Variants in PLD2 observed in about 807,000 individuals in gnomAD.
PLD2 encodes phospholipase D2.
PLD2 carries 101 observed loss-of-function variants against 119.8 expected under a neutral mutation model. The observed-to-expected ratio is 0.84, with a 90% CI of 0.72 to 0.99. PLD2 has a LOEUF of 0.99. Ranked by LOEUF, PLD2 falls within the 50% of genes least tolerant of loss-of-function variation. The pLI is 0.00. For synonymous variants in PLD2, 494 were observed against 482.8 expected (o/e 1.02, Z -0.30); for missense variants, 1,164 against 1,226.8 (o/e 0.95, Z 0.76).
In PLD2 at chr17:4,808,698, C is replaced by T. The variant is rs1385928522; in HGVS notation, c.383+282C>T. Among the ~76,000 whole-genome samples, 2 of 152,032 alleles carry T rather than the reference C, an allele frequency of 1.3e-5. No homozygotes were observed. Among genetic ancestry groups the T allele is most frequent in the Admixed American group, 1.3e-4 (2 of 15,252 alleles). On this transcript the variant is annotated intron_variant, in intron 4 of 24. Transcript: ENST00000263088. This position sits in a 1 kb window ranked among gnomAD's most constrained non-coding sequence, Gnocchi z 4.1. ...GGCCTCCGTTTTGCCAGCCTCTAGGCCTTTTGTTTGTTTTTTGTTTTTGTT... is the reference window on the plus strand; with the variant it reads ...GGCCTCCGTTTTGCCAGCCTCTAGGTCTTTTGTTTGTTTTTTGTTTTTGTT...
rs768767588 is a variant in PLD2 at position 4,809,907 on chromosome 17, G to A, written c.738G>A (p.Leu246=). ...RWLVVKDSFL[L]YMCLETGAIS... ...TGGTGGTGAAGGACTCCTTCCTGCT[G>A]TACATGTGCCTCGAGACAGGTGCCA... Residue 246 remains leucine (L), a synonymous_variant, in exon 9 of 25, where the codon CTG becomes CTA. Coordinates refer to ENST00000263088, the MANE Select transcript of PLD2 (RefSeq NM_002663.5). 1 of 1,614,220 alleles carries A rather than the reference G, an allele frequency of 6.2e-7. No individual in the cohort carries two copies.
In PLD2 at chr17:4,815,348, G is replaced by A. The variant is rs1906860651; in HGVS notation, c.1174-128G>A. On this transcript the variant is annotated intron_variant, in intron 12 of 24. Coordinates refer to ENST00000263088, the MANE Select transcript of PLD2 (RefSeq NM_002663.5). ...AAGTCTGTGGCAAGCAGCAAAGCAG[G>A]GCATATGTGGCAGAGCCTCTAGGAT... 27 of 703,158 alleles carry A rather than the reference G, an allele frequency of 3.8e-5. No individual in the cohort carries two copies. In the South Asian group the frequency reaches 4.1e-4, roughly 11 times the overall value. 43.6% of individuals were successfully genotyped at this position (703,158 alleles called of 1,614,324 possible). A position where few individuals can be genotyped will look rare whatever the true frequency, so the allele number is the denominator to read the frequency against.
intron 9 of PLD2, among the ~76,000 whole-genome samples, chr17:4,810,373 G>C (rs979654814): frequency 6.6e-6 from 1 of 152,134 alleles, no homozygotes; most frequent in Non-Finnish European, 1.5e-5. Context: ...GGCCGGGCGC[G>C]GTGGCTCACA....
In PLD2 at chr17:4,809,186, G is replaced by C; in HGVS notation, c.470G>C (p.Arg157Thr). Residue 157 changes from arginine to threonine, a missense_variant, in exon 5 of 25, where the codon AGA (arginine) becomes ACA (threonine). Coordinates refer to ENST00000263088, the MANE Select transcript of PLD2 (RefSeq NM_002663.5). Reference protein sequence around the residue: ...LPRAGPEGSTRHAASKQKYLE... With the variant: ...LPRAGPEGSTTHAASKQKYLE... ...CGGGCAGGTCCTGAGGGCTCCACCA[G>C]ACATGCAGCCAGCAAACAGGTGGGA... 5.6e-6 allele frequency: 9 copies of C among 1,614,180 alleles called. No individual in the cohort carries two copies. The highest frequency in any genetic ancestry group is 7.6e-6 in the Non-Finnish European group (9 of 1,180,006).
intron 5 of PLD2, 28 bp from the exon 6 acceptor site, chr17:4,809,270 C>A: frequency 1.4e-5 from 14 of 980,808 alleles, no homozygotes; most frequent in Non-Finnish European, 2.0e-5. Flanking sequence ...TCCCATCTGT[C>A]TCTCTCTCTC....
In PLD2 at chr17:4,818,573, A is replaced by C; in HGVS notation, c.2089A>C (p.Asn697His). ...FEGDISTGGG[N>H]SIQAILHFTY... ...GGGTGACATCTCCACGGGCGGTGGC[A>C]ACTCCATCCAGGCCATTCTGCACTT... is the stretch of plus-strand genomic sequence containing the variant. The change falls in exon 20 of 25, where the codon AAC becomes CAC. Residue 697 changes from asparagine to histidine, a missense_variant. Asn to His is a moderately conservative substitution (Grantham distance 68). Coordinates refer to ENST00000263088, the MANE Select transcript of PLD2 (RefSeq NM_002663.5). 1.2e-6 allele frequency: 2 copies of C among 1,613,700 alleles called. No individual in the cohort carries two copies. Among genetic ancestry groups the C allele is most frequent in the Non-Finnish European group, 1.7e-6 (2 of 1,179,846 alleles).
chr17:4,809,478 T>C lies in PLD2; in HGVS notation c.556-15T>C, dbSNP rs1360826616. The stretch of plus-strand genomic sequence containing the variant: ...AAGCCAGGTGTCTCCTCCGGGCTTT[T>C]GTTTTCCTCTGCAGACAGAGTTCCT... On this transcript the variant is annotated splice_polypyrimidine_tract_variant and intron_variant, in intron 6 of 24. Coordinates refer to ENST00000263088, the MANE Select transcript of PLD2 (RefSeq NM_002663.5). The C allele has an allele frequency of 6.2e-7, 1 of 1,607,364 alleles. No individual in the cohort carries two copies. Among genetic ancestry groups the C allele is most frequent in the Admixed American group, 1.7e-5 (1 of 58,530 alleles).
At chr17:4,821,667 A>C in intron 23 of PLD2, 126 bp from the exon 24 acceptor site, 2 of 651,492 alleles carry the variant, frequency 3.1e-6, no homozygotes, top group Non-Finnish European at 5.6e-6. Flanking sequence ...AGTGCTGGGA[A>C]TACAGGCGTG....
At position 4,808,983 on chromosome 17, in the gene PLD2, C is replaced by T; in HGVS notation, c.384-117C>T. Reference sequence around the variant, plus strand: ...TGCTGGGATTCCAGGCGTGAGCCACCACGCCTGGCCACCTCCAGGCCTCTT... The same window carrying T: ...TGCTGGGATTCCAGGCGTGAGCCACTACGCCTGGCCACCTCCAGGCCTCTT... On this transcript the variant is annotated intron_variant, in intron 4 of 24. Coordinates refer to ENST00000263088, the MANE Select transcript of PLD2 (RefSeq NM_002663.5). This position sits in a 1 kb window ranked among gnomAD's most constrained non-coding sequence, Gnocchi z 4.1. The T allele has an allele frequency of 1.3e-6, 1 of 770,390 alleles. No individual in the cohort carries two copies. Among genetic ancestry groups the T allele is most frequent in the Non-Finnish European group, 2.2e-6 (1 of 452,964 alleles). The allele number at this position is 770,390 out of a possible 1,614,324, so 47.7% of individuals were successfully genotyped here.
At chr17:4,822,509 A>C in intron 24 of PLD2, 131 bp from the exon 25 acceptor site, 2 of 585,844 alleles carry the variant, frequency 3.4e-6, no homozygotes, top group Non-Finnish European at 5.9e-6. Context: ...AAAAAGAGAG[A>C]GAGAGTTAGT....
intron 9 of PLD2, 26 bp from the exon 10 acceptor site, chr17:4,810,776 A>T: frequency 1.3e-6 from 2 of 1,597,258 alleles, no homozygotes; most frequent in Non-Finnish European, 1.7e-6. Flanking sequence ...GCGAGGATTT[A>T]TGGACATCTC....
chr17:4,808,339 G>T lies in PLD2; in HGVS notation c.306G>T (p.Lys102Asn). Residue 102 changes from lysine (K) to asparagine (N), a missense_variant, in exon 4 of 25, where the codon AAG becomes AAT. Lys to Asn is a moderately conservative substitution (Grantham distance 94). Coordinates refer to ENST00000263088, the MANE Select transcript of PLD2 (RefSeq NM_002663.5). This position sits in a 1 kb window ranked among gnomAD's most constrained non-coding sequence, Gnocchi z 4.1. ...GCGACTTTTCCTGGACAACCAAGAA[G>T]AAATACCGTCATTTTCAGGAGCTGC... The part of the protein sequence containing the change: ...THGDFSWTTK[K>N]KYRHFQELHR... 1 of 1,614,062 alleles carries T rather than the reference G, an allele frequency of 6.2e-7. No homozygotes were observed. The highest frequency in any genetic ancestry group is 8.5e-7 in the Non-Finnish European group (1 of 1,179,960).
In PLD2 at chr17:4,819,461, G is replaced by T; in HGVS notation, c.2341G>T (p.Gly781Trp). ...AAACATCAATGACCGGAGCTTGCTG[G>T]GGAAGCGGGACAGTGAGCTGGCCGT... Reference protein sequence around the residue: ...SANINDRSLLGKRDSELAVLI... With the variant: ...SANINDRSLLWKRDSELAVLI... The change falls in exon 23 of 25, where the codon GGG (glycine) becomes TGG (tryptophan). Residue 781 changes from glycine (G) to tryptophan (W), a missense_variant. Gly to Trp is a radical substitution (Grantham distance 184). Transcript: ENST00000263088. This position sits in a 1 kb window ranked among gnomAD's most constrained non-coding sequence, Gnocchi z 4.2. 1 of 1,613,954 alleles carries T rather than the reference G, an allele frequency of 6.2e-7. No homozygotes were observed. The highest frequency in any genetic ancestry group is 8.5e-7 in the Non-Finnish European group (1 of 1,179,960).
Position 4,818,322 on chromosome 17 carries a change from A to T in PLD2, c.1946A>T (p.Asp649Val). Reference protein sequence around the residue: ...IENQFFISCSDGRTVLNKVGD... With the variant: ...IENQFFISCSVGRTVLNKVGD... ...AATCAGTTCTTCATTAGCTGCTCAG[A>T]TGGGCGGACGGTTCTGAACAAGGTG... is the stretch of plus-strand genomic sequence containing the variant. Residue 649 changes from aspartate to valine, a missense_variant, in exon 19 of 25, where the codon GAT becomes GTT. Asp to Val is a radical substitution (Grantham distance 152). Coordinates refer to ENST00000263088, the MANE Select transcript of PLD2 (RefSeq NM_002663.5). The T allele has an allele frequency of 6.2e-7, 1 of 1,614,136 alleles. No homozygotes were observed. The highest frequency in any genetic ancestry group is 8.5e-7 in the Non-Finnish European group (1 of 1,179,980).
chr17:4,817,727 G>A (rs1907159525), intron 17 of PLD2, among the ~76,000 whole-genome samples: 1 of 151,332 alleles, frequency 6.6e-6, no homozygotes, highest in African/African-American at 2.4e-5. Context: ...GGGAGGCCGA[G>A]GCAGGCGGAT....
rs1905937007 is a variant in PLD2 at position 4,807,212 on chromosome 17, C to T, written c.-15C>T. The T allele has an allele frequency of 6.6e-6, 1 of 151,688 alleles. No individual in the cohort carries two copies. The highest frequency in any genetic ancestry group is 1.5e-5 in the Non-Finnish European group (1 of 67,828). 9.4% of individuals were successfully genotyped at this position (151,688 alleles called of 1,614,324 possible). ...GCTCCGGAACCCCCGCGGGCGCTGG[C>T]TCCGTCTGCCAGGGTGAGGGGGCCG... is the stretch of plus-strand genomic sequence containing the variant. On this transcript the variant is annotated 5_prime_UTR_variant, in exon 1 of 25. Coordinates refer to ENST00000263088, the MANE Select transcript of PLD2 (RefSeq NM_002663.5). This position sits in a 1 kb window ranked among gnomAD's most constrained non-coding sequence, Gnocchi z 5.4.
At position 4,815,942 on chromosome 17, in the gene PLD2, C is replaced by T. The variant is rs769185071; in HGVS notation, c.1455+8C>T. 3.1e-6 allele frequency: 5 copies of T among 1,599,810 alleles called. No homozygotes were observed. The highest frequency in any genetic ancestry group is 1.3e-5 in the African/African-American group (1 of 74,640). On this transcript the variant is annotated splice_region_variant and intron_variant, in intron 14 of 24. Transcript: ENST00000263088. ...GAATCAGCTGCCTCCCAGGTAATCCCCCTGAGGCCTTCCTGAGCACCCCCA... is the reference window on the plus strand; with the variant it reads ...GAATCAGCTGCCTCCCAGGTAATCCTCCTGAGGCCTTCCTGAGCACCCCCA...
chr17:4,815,857 C>G lies in PLD2; in HGVS notation c.1378C>G (p.Leu460Val). 6.2e-7 allele frequency: 1 copy of G among 1,614,150 alleles called. No homozygotes were observed. The highest frequency in any genetic ancestry group is 8.5e-7 in the Non-Finnish European group (1 of 1,180,020). Residue 460 changes from leucine to valine, a missense_variant, in exon 14 of 25, where the codon CTT becomes GTT. Transcript: ENST00000263088. ...GGTAGCATTCCTGGGGGGACTGGAC[C>G]TTGCCTATGGCCGCTGGGATGACCT... The part of the protein sequence containing the change: ...QVVAFLGGLD[L>V]AYGRWDDLHY...
chr17:4,810,122 G>A, intron 9 of PLD2, 93 bp downstream of exon 9: 1 of 1,337,186 alleles, frequency 7.5e-7, no homozygotes. Context: ...CAGGAGAGAG[G>A]AAGGCTTTTC....
Sources: allele counts gnomAD v4.1 joint callset (sites outside exome capture counted in the v4.1 genomes callset), GRCh38; gene constraint gnomAD v4.1.1; non-coding constraint Gnocchi (gnomAD v3.1); transcripts MANE v1.5; gene names NCBI Gene and HGNC (gene_info 2026-07-23, HGNC 2026-07-21).